PCDHA12: variants seen among roughly 807,000 people sequenced by gnomAD.
PCDHA12 encodes the protein protocadherin alpha-12.
In PCDHA12, 44 loss-of-function variants were observed where a neutral mutation model predicts 60.0. That is an observed-to-expected ratio of 0.73 (90% CI 0.58 to 0.94). The LOEUF is 0.94. Ranked by LOEUF, PCDHA12 falls within the 40% of genes least tolerant of loss-of-function variation. The probability of loss-of-function intolerance (pLI) is 0.00; values close to 1 mark genes in which losing one functional copy is unlikely to be tolerated. For missense variants in PCDHA12, 1,276 were observed against 1,239.7 expected, an observed-to-expected ratio of 1.03 and a Z score of -0.44; for synonymous variants, 569 against 553.0, an observed-to-expected ratio of 1.03 and a Z score of -0.40.
At chr5:140,993,406 T>C (rs1382987714) in intron 3 of PCDHA12, among the ~76,000 whole-genome samples, 2 of 150,998 alleles carry the variant, frequency 1.3e-5, no homozygotes, top group South Asian at 4.2e-4. Flanking sequence ...TTAACCACCT[T>C]CATCAGCATT....
chr5:140,882,856 G>A (rs1352769264), intron 1 of PCDHA12: 1 of 1,614,098 alleles, frequency 6.2e-7, no homozygotes, highest in African/African-American at 1.3e-5. Context: ...CACTTGTACT[G>A]AGGAAAACAC....
chr5:140,921,282 A>C (rs1208744523), intron 1 of PCDHA12, among the ~76,000 whole-genome samples: 1 of 152,224 alleles, frequency 6.6e-6, no homozygotes, highest in Non-Finnish European at 1.5e-5. Flanking sequence ...CTTGAAAAAA[A>C]CCTCAAATTT....
intron 1 of PCDHA12, among the ~76,000 whole-genome samples, chr5:140,915,967 A>G (rs1188377648): frequency 1.3e-5 from 2 of 152,078 alleles, no homozygotes; most frequent in Non-Finnish European, 2.9e-5. Flanking sequence ...TTTGCCTGAT[A>G]TTTTATTTGA....
At chr5:140,911,339 A>G (rs2075428336) in intron 1 of PCDHA12, among the ~76,000 whole-genome samples, 1 of 152,042 alleles carries the variant, frequency 6.6e-6, no homozygotes, top group Non-Finnish European at 1.5e-5. Flanking sequence ...TTTCCAATCA[A>G]TGCCCTCATT....
intron 1 of PCDHA12, among the ~76,000 whole-genome samples, chr5:140,940,808 T>C (rs781904662): frequency 3.3e-5 from 5 of 152,232 alleles, no homozygotes; most frequent in Non-Finnish European, 7.3e-5. Context: ...TGCCAGGATA[T>C]CCTGAGATCT....
At position 140,877,392 on chromosome 5, in the gene PCDHA12, G is replaced by A; in HGVS notation, c.1920G>A (p.Ala640=). ...GCACGACACGCATCCTGGATGAGGC[G>A]GACGCTCCGCGCCACCGCCTGCTGG... The part of the protein sequence containing the change: ...EISTTRILDE[A]DAPRHRLLVL... Residue 640 remains alanine, a synonymous_variant, in exon 1 of 4, where the codon GCG becomes GCA. Transcript: ENST00000398631. The A allele has an allele frequency of 1.2e-6, 2 of 1,613,970 alleles. No homozygotes were observed. Among genetic ancestry groups the A allele is most frequent in the Non-Finnish European group, 1.7e-6 (2 of 1,179,892 alleles).
chr5:140,912,322 G>A (rs1050946341), intron 1 of PCDHA12, among the ~76,000 whole-genome samples: 10 of 149,938 alleles, frequency 6.7e-5, no homozygotes, highest in African/African-American at 1.7e-4. Flanking sequence ...TTGACCCTCA[G>A]TATTAACCAG....
At chr5:140,927,118 G>C in intron 1 of PCDHA12, 1 of 1,613,946 alleles carries the variant, frequency 6.2e-7, no homozygotes, top group Non-Finnish European at 8.5e-7. Context: ...CGGCAATTTG[G>C]TGGTCAGAGA....
chr5:141,003,254 G>A (rs782245010), intron 3 of PCDHA12, among the ~76,000 whole-genome samples: 17 of 152,190 alleles, frequency 1.1e-4, no homozygotes, highest in Non-Finnish European at 2.1e-4. Flanking sequence ...AAGATTCCTG[G>A]GCAGTGCCTA....
At position 140,877,685 on chromosome 5, in the gene PCDHA12, C is replaced by T. The variant is rs377753884; in HGVS notation, c.2213C>T (p.Thr738Met). The change falls in exon 1 of 4, where the codon ACG becomes ATG. Residue 738 changes from threonine (T) to methionine (M), a missense_variant. Transcript: ENST00000398631. Reference sequence around the variant, plus strand: ...AGCCGGTGCGCGCCGGGCAAGCCCACGCTGGTGTGCTCCAGCGCCGTGGGG... The same window carrying T: ...AGCCGGTGCGCGCCGGGCAAGCCCATGCTGGTGTGCTCCAGCGCCGTGGGG... ...TVSRCAPGKP[T>M]LVCSSAVGSW... 3.4e-5 allele frequency: 55 copies of T among 1,613,628 alleles called. No homozygotes were observed. Among genetic ancestry groups the T allele is most frequent in the Non-Finnish European group, 4.6e-5 (54 of 1,179,904 alleles).
intron 3 of PCDHA12, among the ~76,000 whole-genome samples, chr5:140,993,754 A>T (rs1253767297): frequency 6.6e-6 from 1 of 152,170 alleles, no homozygotes; most frequent in African/African-American, 2.4e-5. Context: ...ACTTGCCATT[A>T]TATTACAATT....
At chr5:140,983,461 A>G (rs1291305158) in intron 3 of PCDHA12, among the ~76,000 whole-genome samples, 1 of 152,238 alleles carries the variant, frequency 6.6e-6, no homozygotes, top group Non-Finnish European at 1.5e-5. Flanking sequence ...TTAATAGAAC[A>G]TCATGATGAT....
chr5:140,942,316 A>G (rs1197832358), intron 1 of PCDHA12, among the ~76,000 whole-genome samples: 1 of 152,100 alleles, frequency 6.6e-6, no homozygotes, highest in Non-Finnish European at 1.5e-5. Flanking sequence ...AGGTCGAGGC[A>G]CAAGAATCAC....
At chr5:140,944,383 C>T (rs1344204416) in intron 1 of PCDHA12, among the ~76,000 whole-genome samples, 1 of 152,084 alleles carries the variant, frequency 6.6e-6, no homozygotes, top group African/African-American at 2.4e-5. Context: ...GATGGAGTCT[C>T]ACTGTGTTAT....
At chr5:140,925,537 A>G (rs1325632505) in intron 1 of PCDHA12, among the ~76,000 whole-genome samples, 4 of 152,070 alleles carry the variant, frequency 2.6e-5, no homozygotes, top group Non-Finnish European at 2.9e-5. Flanking sequence ...GAGGAGAAAT[A>G]CCTAATGTAA....
intron 1 of PCDHA12, among the ~76,000 whole-genome samples, chr5:140,896,219 T>A (rs1212681477): frequency 1.3e-5 from 2 of 152,252 alleles, no homozygotes; most frequent in African/African-American, 2.4e-5. Flanking sequence ...TACATGTGTC[T>A]TTATAGTAGA....
intron 1 of PCDHA12, among the ~76,000 whole-genome samples, chr5:140,924,901 AAAAATAAAATAAAAT>A (rs10667761): frequency 2.0e-3 from 158 of 80,494 alleles, no homozygotes; most frequent in African/African-American, 5.2e-3. Context: ...TCTCAAAAAA[AAAAATAAAATAAAAT>A]AAAATAAAAT....
chr5:140,941,111 G>T (rs1477407055), intron 1 of PCDHA12, among the ~76,000 whole-genome samples: 2 of 152,090 alleles, frequency 1.3e-5, no homozygotes, highest in Non-Finnish European at 2.9e-5. Context: ...TTACTGGAAA[G>T]ATTAGTCCTT....
At chr5:141,005,556 G>T (rs62384513) in intron 3 of PCDHA12, among the ~76,000 whole-genome samples, 1 of 151,476 alleles carries the variant, frequency 6.6e-6, no homozygotes, top group South Asian at 2.1e-4. Flanking sequence ...ACAAAAATTA[G>T]CCGGGCATGG....
Sources: gnomAD v4.1 joint callset for allele counts (sites outside exome capture counted in the v4.1 genomes callset) on GRCh38, gnomAD v4.1.1 for gene constraint, MANE v1.5 for transcripts, NCBI Gene and HGNC (gene_info 2026-07-23, HGNC 2026-07-21) for gene names.